The following PCDH15 variants were observed in gnomAD, a reference collection of about 807,000 sequenced individuals.
PCDH15 encodes the protein protocadherin related 15, also known as protocadherin-15.
PCDH15 carries 129 observed loss-of-function variants against 178.5 expected under a neutral mutation model. That is an observed-to-expected ratio of 0.72 (90% CI 0.63 to 0.84). The LOEUF (loss-of-function observed/expected upper bound fraction) is 0.84, where lower values mean the gene tolerates loss of function less well. PCDH15 is among the 40% of genes least tolerant of loss of function. The probability of loss-of-function intolerance (pLI) is 0.00; values close to 1 mark genes in which losing one functional copy is unlikely to be tolerated. For missense variants in PCDH15, 2,230 were observed against 2,099.9 expected, an observed-to-expected ratio of 1.06 and a Z score of -1.21; for synonymous variants, 800 against 732.0, an observed-to-expected ratio of 1.09 and a Z score of -1.50.
At chr10:54,632,417 TA>T (rs2093728314) in intron 2 of PCDH15, among the ~76,000 whole-genome samples, 1 of 151,990 alleles carries the variant, frequency 6.6e-6, no homozygotes, top group South Asian at 2.1e-4. Flanking sequence ...CCCCTGAATC[TA>T]AAATAACAGT....
chr10:55,056,610 T>TTTATTATTATTA (rs60186759), intron 2 of PCDH15, among the ~76,000 whole-genome samples: 515 of 142,982 alleles, frequency 3.6e-3, no homozygotes, highest in East Asian at 9.2e-3. Flanking sequence ...TTTATTTTGT[T>TTTATTATTATTA]TTATTATTAT....
At chr10:54,643,240 C>G (rs1012704817) in intron 2 of PCDH15, among the ~76,000 whole-genome samples, 2 of 152,106 alleles carry the variant, frequency 1.3e-5, no homozygotes, top group Non-Finnish European at 2.9e-5. Context: ...GTTTGATGAA[C>G]CTACTCTGAC....
intron 2 of PCDH15, among the ~76,000 whole-genome samples, chr10:55,517,349 G>A (rs77461929): frequency 0.018 from 2,700 of 152,088 alleles, 98 homozygotes; most frequent in African/African-American, 0.062. Context: ...CAGTATTTTA[G>A]GATCAAAAGG....
At chr10:54,395,189 T>C (rs981698113) in intron 3 of PCDH15, among the ~76,000 whole-genome samples, 5 of 152,108 alleles carry the variant, frequency 3.3e-5, no homozygotes, top group African/African-American at 1.2e-4. Flanking sequence ...TAAGTGTCCA[T>C]GAAATCTTTA....
chr10:54,279,326 C>A (rs997064), intron 8 of PCDH15, among the ~76,000 whole-genome samples: 74,047 of 151,114 alleles, frequency 0.49, 19,158 homozygotes, highest in Middle Eastern at 0.6. Flanking sequence ...TGATATTCAC[C>A]GAACACCAAT....
At chr10:53,921,792 G>A (rs1442525980) in intron 25 of PCDH15, among the ~76,000 whole-genome samples, 1 of 152,072 alleles carries the variant, frequency 6.6e-6, no homozygotes, top group East Asian at 1.9e-4. Context: ...TTTAGTATAA[G>A]CCAGTCAGAA....
chr10:55,488,024 C>G (rs1840333832), intron 2 of PCDH15, among the ~76,000 whole-genome samples: 1 of 151,444 alleles, frequency 6.6e-6, no homozygotes. Context: ...CAGGAATGAT[C>G]AAATCTAATG....
At chr10:55,384,136 G>A (rs755265416) in intron 2 of PCDH15, among the ~76,000 whole-genome samples, 6 of 152,086 alleles carry the variant, frequency 3.9e-5, no homozygotes, top group Non-Finnish European at 5.9e-5. Context: ...ATCCAGGACA[G>A]TTTTAGACTT....
intron 2 of PCDH15, among the ~76,000 whole-genome samples, chr10:55,110,129 T>C (rs1472460756): frequency 6.6e-6 from 1 of 151,958 alleles, no homozygotes; most frequent in Non-Finnish European, 1.5e-5. Context: ...TATAAGACAT[T>C]TCTAAAAATT....
chr10:55,450,605 C>A (rs1408373109), intron 2 of PCDH15, among the ~76,000 whole-genome samples: 2 of 152,040 alleles, frequency 1.3e-5, no homozygotes, highest in Non-Finnish European at 2.9e-5. Flanking sequence ...GTACATTGTT[C>A]AAATTCATTG....
At chr10:54,268,675 G>T (rs1027242918) in intron 8 of PCDH15, among the ~76,000 whole-genome samples, 2 of 151,844 alleles carry the variant, frequency 1.3e-5, no homozygotes, top group African/African-American at 4.8e-5. Context: ...AAATCTTTAA[G>T]ATATGTCACT....
At chr10:55,568,328 A>T (rs895683564) in intron 2 of PCDH15, among the ~76,000 whole-genome samples, 3 of 152,026 alleles carry the variant, frequency 2.0e-5, no homozygotes, top group African/African-American at 7.2e-5. Context: ...ATACTCTATT[A>T]TTCGACTTAT....
At chr10:54,727,343 G>A (rs777937678) in intron 1 of PCDH15, among the ~76,000 whole-genome samples, 1 of 151,514 alleles carries the variant, frequency 6.6e-6, no homozygotes, top group Non-Finnish European at 1.5e-5. Flanking sequence ...ATCTGTTCTT[G>A]AATCACTTTT....
chr10:55,168,696 T>G (rs1333598677), intron 1 of PCDH15, among the ~76,000 whole-genome samples: 1 of 152,142 alleles, frequency 6.6e-6, no homozygotes, highest in African/African-American at 2.4e-5. Context: ...AATTAACACT[T>G]AAAGCATTTA....
chr10:54,868,628 C>T (rs942312575), intron 3 of PCDH15, among the ~76,000 whole-genome samples: 1 of 152,138 alleles, frequency 6.6e-6, no homozygotes, highest in East Asian at 1.9e-4. Flanking sequence ...TCAAATCAGG[C>T]TACTTCTCTT....
At chr10:54,722,652 T>TC (rs1566040012) in intron 1 of PCDH15, among the ~76,000 whole-genome samples, 1 of 151,040 alleles carries the variant, frequency 6.6e-6, no homozygotes, top group African/African-American at 2.4e-5. Context: ...CCCTAATGAC[T>TC]CCCCCAGAAG....
chr10:54,655,330 AAG>A (rs146479490), intron 2 of PCDH15, among the ~76,000 whole-genome samples: 2 of 86,522 alleles, frequency 2.3e-5, no homozygotes, highest in African/African-American at 7.8e-5. Flanking sequence ...GAAAGAGAGA[AAG>A]AGAGAAAGAA....
chr10:53,848,319 T>A (rs965393691), intron 28 of PCDH15, among the ~76,000 whole-genome samples: 1 of 151,808 alleles, frequency 6.6e-6, no homozygotes, highest in Admixed American at 6.6e-5. Context: ...ATTTTAGAGA[T>A]CTCCATAAAG....
intron 2 of PCDH15, among the ~76,000 whole-genome samples, chr10:55,065,503 A>T (rs2132004544): frequency 6.6e-6 from 1 of 152,132 alleles, no homozygotes; most frequent in Non-Finnish European, 1.5e-5. Flanking sequence ...GACTTTCTTC[A>T]AAACACATAC....
Sources: gnomAD v4.1 joint callset for allele counts (sites outside exome capture counted in the v4.1 genomes callset) on GRCh38, gnomAD v4.1.1 for gene constraint, MANE v1.5 for transcripts, NCBI Gene and HGNC (gene_info 2026-07-23, HGNC 2026-07-21) for gene names.